Variants in FKBP5 observed in about 807,000 individuals in gnomAD.
The protein encoded by FKBP5 is peptidyl-prolyl cis-trans isomerase FKBP5.
In FKBP5, 23 loss-of-function variants were observed where a neutral mutation model predicts 50.5. The ratio of observed to expected loss-of-function variants is 0.46; its 90% CI spans 0.33 to 0.65. The LOEUF (loss-of-function observed/expected upper bound fraction) is 0.65. Ranked by LOEUF, FKBP5 falls within the 30% of genes least tolerant of loss-of-function variation. The pLI is 0.02. For missense variants in FKBP5, 411 were observed against 553.1 expected (o/e 0.74, Z 2.58); for synonymous variants, 176 against 190.6 (o/e 0.92, Z 0.63).
intron 1 of FKBP5, among the ~76,000 whole-genome samples, chr6:35,682,563 T>C (rs1765696931): frequency 6.6e-6 from 1 of 152,176 alleles, no homozygotes; most frequent in Non-Finnish European, 1.5e-5. Flanking sequence ...ACTCCTCATT[T>C]ATAACATCTT....
intron 2 of FKBP5, among the ~76,000 whole-genome samples, chr6:35,709,268 T>C (rs1766375731): frequency 2.0e-5 from 3 of 152,166 alleles, no homozygotes; most frequent in Admixed American, 6.5e-5. Context: ...TATTCACTAT[T>C]ATGAGAACAG....
intron 1 of FKBP5, among the ~76,000 whole-genome samples, chr6:35,671,892 G>A (rs1157238231): frequency 1.8e-4 from 27 of 150,276 alleles, no homozygotes; most frequent in Non-Finnish European, 3.7e-4. Context: ...TTTTTGAGAC[G>A]GAGTCTCACT....
At chr6:35,625,809 T>A (rs1314786407) in intron 3 of FKBP5, among the ~76,000 whole-genome samples, 1 of 149,602 alleles carries the variant, frequency 6.7e-6, no homozygotes, top group Non-Finnish European at 1.5e-5. Flanking sequence ...AGATGGAGTC[T>A]CGCTCTGTCG....
chr6:35,642,577 G>T, intron 2 of FKBP5, 143 bp downstream of exon 2: 2 of 541,766 alleles, frequency 3.7e-6, no homozygotes, highest in Non-Finnish European at 6.3e-6. Flanking sequence ...AAGTTATGAA[G>T]ACAAAATGAG....
chr6:35,720,328 C>T (rs1766590409), exon 2 of FKBP5: 1 of 152,496 alleles, frequency 6.6e-6, no homozygotes, highest in South Asian at 2.1e-4. Flanking sequence ...GGGTCCCTAC[C>T]TCCTCTGAGA....
In FKBP5 at chr6:35,573,604, GATTT is replaced by G. The variant is rs780406378; in HGVS notation, c.*2227_*2230del. The G allele has an allele frequency of 2.7e-5, 4 of 150,896 alleles. No homozygotes were observed. The highest frequency in any genetic ancestry group is 4.4e-5 in the Non-Finnish European group (3 of 67,780). The allele number at this position is 150,896 out of a possible 1,614,324, so 9.3% of individuals were successfully genotyped here. A position where few individuals can be genotyped will look rare whatever the true frequency, so the allele number is the denominator to read the frequency against. On this transcript the variant is annotated 3_prime_UTR_variant, in exon 11 of 11. Transcript: ENST00000357266. ...ACAATGGGAAGTCACATTTTTTTTG[GATTT>G]ATTTAAAGAACACACAAAAAAGTGC...
chr6:35,586,628 GAAAA>G, intron 8 of FKBP5: 1 of 985,496 alleles, frequency 1.0e-6, no homozygotes, highest in Admixed American at 5.9e-5. Flanking sequence ...AAGGAAGAAA[GAAAA>G]ATGATGTGAA....
intron 5 of FKBP5, among the ~76,000 whole-genome samples, chr6:35,603,084 T>C (rs545813392): frequency 6.6e-6 from 1 of 152,348 alleles, no homozygotes; most frequent in African/African-American, 2.4e-5. Context: ...ATACACTAGC[T>C]AAATGATAAT....
chr6:35,611,416 G>A (rs1262571766), intron 5 of FKBP5, among the ~76,000 whole-genome samples: 2 of 152,142 alleles, frequency 1.3e-5, no homozygotes, highest in African/African-American at 4.8e-5. Flanking sequence ...AAAGTACTGA[G>A]AGGCGAGAGA....
Position 35,684,427 on chromosome 6 carries a change from C to T in FKBP5, c.-20+4377G>A, listed in dbSNP as rs78781866. ...TCCTGGGCTCAAGCAATCCACGTGC[C>T]TTGGCCTCCCAAAGTGCTGGCATTA... On this transcript the variant is annotated intron_variant, in intron 1 of 10. Coordinates refer to ENST00000357266, the MANE Select transcript of FKBP5 (RefSeq NM_004117.4). 4.2e-3 allele frequency among the ~76,000 whole-genome samples: 640 copies of T among 152,208 alleles called. 3 individuals are homozygous for T. The highest frequency in any genetic ancestry group is 0.015 in the African/African-American group (608 of 41,550).
intron 6 of FKBP5, 78 bp from the exon 7 acceptor site, chr6:35,591,298 C>T (rs1407934276): frequency 1.1e-6 from 1 of 940,500 alleles, no homozygotes; most frequent in Non-Finnish European, 1.7e-6. Flanking sequence ...TTTGAGGCAT[C>T]AACAGAGCTA....
intron 5 of FKBP5, among the ~76,000 whole-genome samples, chr6:35,604,560 T>G (rs1375212874): frequency 1.3e-5 from 2 of 151,688 alleles, no homozygotes; most frequent in Non-Finnish European, 3.0e-5. Flanking sequence ...AAATGTAAAG[T>G]CTCACAGCTC....
intron 2 of FKBP5, among the ~76,000 whole-genome samples, chr6:35,641,770 C>G (rs955833479): frequency 6.6e-6 from 1 of 152,010 alleles, no homozygotes; most frequent in Non-Finnish European, 1.5e-5. Flanking sequence ...TTTGCGAGGC[C>G]AAGGCAGGCG....
Position 35,708,559 on chromosome 6 carries a change from A to G in FKBP5, c.-20+11769T>C, listed in dbSNP as rs200916971. Among the ~76,000 whole-genome samples the G allele has an allele frequency of 3.7e-5, 5 of 134,946 alleles. No individual in the cohort carries two copies. In the East Asian group the frequency reaches 8.8e-4, roughly 24 times the overall value. 88.5% of individuals were successfully genotyped at this position (134,946 alleles called of 152,430 possible). A position where few individuals can be genotyped will look rare whatever the true frequency, so the allele number is the denominator to read the frequency against. The stretch of plus-strand genomic sequence containing the variant: ...GAGCCATTGCGCCTGGCCTTGTACA[A>G]TGGAATTCTATATAGCATTTTTTTT... On this transcript the variant is annotated intron_variant, in intron 2 of 11. Transcript: ENST00000536438.
intron 6 of FKBP5, among the ~76,000 whole-genome samples, chr6:35,594,410 A>G (rs1762914022): frequency 6.6e-6 from 1 of 152,108 alleles, no homozygotes; most frequent in Non-Finnish European, 1.5e-5. Flanking sequence ...AGAGTCACAG[A>G]GAAGGTCTGC....
intron 1 of FKBP5, among the ~76,000 whole-genome samples, chr6:35,672,322 G>A (rs2151005304): frequency 6.6e-6 from 1 of 152,062 alleles, no homozygotes; most frequent in African/African-American, 2.4e-5. Flanking sequence ...CAAACCATGA[G>A]AAATATAAAT....
intron 2 of FKBP5, among the ~76,000 whole-genome samples, chr6:35,716,737 T>C (rs557048166): frequency 1.3e-5 from 2 of 151,728 alleles, no homozygotes; most frequent in African/African-American, 4.8e-5. Context: ...ACCCCCTGCT[T>C]GGCTGGTCTC....
chr6:35,656,986 T>G (rs1581858278), intron 1 of FKBP5, among the ~76,000 whole-genome samples: 2 of 147,532 alleles, frequency 1.4e-5, no homozygotes, highest in African/African-American at 5.0e-5. Context: ...CTGAGGTGGG[T>G]GGATCACAAG....
In FKBP5 at chr6:35,583,434, T is replaced by C. The variant is rs75509387; in HGVS notation, c.841-3213A>G. 2.6e-3 allele frequency: 2,609 copies of C among 985,440 alleles called. 48 individuals carry two copies. In the East Asian group the frequency reaches 0.043, roughly 16 times the overall value. 61.0% of individuals were successfully genotyped at this position (985,440 alleles called of 1,614,324 possible). On this transcript the variant is annotated intron_variant, in intron 8 of 10. Transcript: ENST00000357266. ...AGGTATTAGACTTCTTAATAGTTCC[T>C]TCACATAGGGCATTTTAATTTTTTG... is the stretch of plus-strand genomic sequence containing the variant.
Sources: gnomAD v4.1 joint callset for allele counts (sites outside exome capture counted in the v4.1 genomes callset) on GRCh38, gnomAD v4.1.1 for gene constraint, MANE v1.5 for transcripts, NCBI Gene and HGNC (gene_info 2026-07-23, HGNC 2026-07-21) for gene names.